Variants in NUSAP1 observed in about 807,000 individuals in gnomAD.
NUSAP1 encodes nucleolar and spindle associated protein 1, also known as nucleolar and spindle-associated protein 1.
A neutral mutation model predicts 52.8 loss-of-function variants in NUSAP1; 32 were observed. That is an observed-to-expected ratio of 0.61 (90% CI 0.46 to 0.81). The LOEUF (loss-of-function observed/expected upper bound fraction) is 0.81, where lower values mean the gene tolerates loss of function less well. Ranked by LOEUF, NUSAP1 falls within the 40% of genes least tolerant of loss-of-function variation. The pLI is 0.00. For synonymous variants in NUSAP1, 195 were observed against 183.1 expected (o/e 1.06, Z -0.52); for missense variants, 499 against 522.3 (o/e 0.96, Z 0.43).
intron 4 of NUSAP1, among the ~76,000 whole-genome samples, chr15:41,354,867 A>C (rs894800899): frequency 6.6e-6 from 1 of 151,354 alleles, no homozygotes; most frequent in African/African-American, 2.4e-5. Context: ...AAATACAAAA[A>C]AAATTAGCCG....
intron 6 of NUSAP1, among the ~76,000 whole-genome samples, chr15:41,361,164 C>T (rs1053479254): frequency 3.4e-4 from 51 of 151,786 alleles, no homozygotes; most frequent in Admixed American, 4.6e-4. Context: ...GAAGCTGAGG[C>T]AGGCGGATCA....
At position 41,335,191 on chromosome 15, in the gene NUSAP1, A is replaced by G. The variant is rs1315026155; in HGVS notation, c.93+2141A>G. Among the ~76,000 whole-genome samples, 3 of 150,328 alleles carry G rather than the reference A, an allele frequency of 2.0e-5. No homozygotes were observed. The Admixed American group carries it at 2.0e-4, about 10-fold the overall frequency. On this transcript the variant is annotated intron_variant, in intron 1 of 10. Transcript: ENST00000559596. ...CAAGATTTGATTAAAATGAAACACT[A>G]CAATTTAAATAAATTTTACTAGCAT... is the stretch of plus-strand genomic sequence containing the variant.
At chr15:41,344,935 C>CA (rs1354484842) in intron 2 of NUSAP1, among the ~76,000 whole-genome samples, 3 of 151,918 alleles carry the variant, frequency 2.0e-5, no homozygotes, top group Middle Eastern at 3.2e-3. Context: ...AATGAGACTC[C>CA]GTCTCCGAAA....
At chr15:41,350,921 CT>C in intron 3 of NUSAP1, 66 bp from the exon 4 acceptor site, 1 of 1,398,086 alleles carries the variant, frequency 7.2e-7, no homozygotes, top group Non-Finnish European at 9.8e-7. Context: ...CACTTTGGTA[CT>C]TATCTTTGGA....
intron 10 of NUSAP1, among the ~76,000 whole-genome samples, chr15:41,378,616 C>G (rs1220251616): frequency 1.3e-5 from 2 of 151,886 alleles, no homozygotes. Flanking sequence ...ACTAAAAATA[C>G]AAAATTAGCC....
chr15:41,365,637 A>G (rs2049370921), intron 7 of NUSAP1, 48 bp downstream of exon 7: 2 of 1,438,334 alleles, frequency 1.4e-6, no homozygotes, highest in South Asian at 2.8e-5. Flanking sequence ...TTTCACATGG[A>G]CTATATAAAA....
intron 7 of NUSAP1, among the ~76,000 whole-genome samples, chr15:41,369,528 A>T (rs1284266108): frequency 6.6e-6 from 1 of 151,974 alleles, no homozygotes; most frequent in African/African-American, 2.4e-5. Flanking sequence ...TGCACCTGTA[A>T]TCCCAGCTAC....
intron 2 of NUSAP1, among the ~76,000 whole-genome samples, chr15:41,347,605 A>G (rs1202368749): frequency 6.6e-6 from 1 of 151,280 alleles, no homozygotes; most frequent in Non-Finnish European, 1.5e-5. Context: ...CACAAGGTCA[A>G]CAGATCGAGA....
Position 41,380,344 on chromosome 15 carries a change from C to CCTG in NUSAP1, c.*158_*159insCTG. 1 of 522,762 alleles carries CCTG rather than the reference C, an allele frequency of 1.9e-6. No individual in the cohort carries two copies. Among genetic ancestry groups the CCTG allele is most frequent in the East Asian group, 3.2e-5 (1 of 31,288 alleles). 32.4% of individuals were successfully genotyped at this position (522,762 alleles called of 1,614,324 possible). On this transcript the variant is annotated 3_prime_UTR_variant, in exon 11 of 11. Transcript: ENST00000559596. Reference sequence around the variant, plus strand: ...CCATGGGTTCTTCATGTGCTATGATCTCTGAAAAGACGTTATCACCTTAAA... The same window carrying CCTG: ...CCATGGGTTCTTCATGTGCTATGATCCTGTCTGAAAAGACGTTATCACCTTAAA...
At chr15:41,357,027 A>T (rs952137385) in intron 5 of NUSAP1, among the ~76,000 whole-genome samples, 2 of 152,162 alleles carry the variant, frequency 1.3e-5, no homozygotes, top group Non-Finnish European at 2.9e-5. Flanking sequence ...GGCCTGTCTT[A>T]TATCCTTTGA....
chr15:41,360,302 C>A (rs963652949), intron 6 of NUSAP1, among the ~76,000 whole-genome samples: 14 of 144,156 alleles, frequency 9.7e-5, no homozygotes, highest in South Asian at 8.8e-4. Context: ...CCACACCCGG[C>A]TAATTTTTGT....
chr15:41,333,475 C>A (rs1301185661), intron 1 of NUSAP1, among the ~76,000 whole-genome samples: 3 of 151,836 alleles, frequency 2.0e-5, no homozygotes, highest in Non-Finnish European at 2.9e-5. Flanking sequence ...GTAATATTGC[C>A]GATAATCTCT....
intron 7 of NUSAP1, chr15:41,365,828 C>A (rs2049383557): frequency 4.6e-6 from 1 of 216,644 alleles, no homozygotes; most frequent in Non-Finnish European, 9.2e-6. Context: ...TCAAGTGATT[C>A]TTCTGCCTCA....
intron 2 of NUSAP1, among the ~76,000 whole-genome samples, chr15:41,342,685 A>G (rs1351151864): frequency 8.5e-5 from 13 of 152,098 alleles, no homozygotes; most frequent in Admixed American, 8.5e-4. Context: ...TAAAAATACA[A>G]AAATTAGCCA....
intron 4 of NUSAP1, among the ~76,000 whole-genome samples, chr15:41,354,877 G>A (rs1042512549): frequency 4.2e-4 from 63 of 151,494 alleles, no homozygotes; most frequent in Non-Finnish European, 6.9e-4. Context: ...AAAATTAGCC[G>A]GGTGTGGGGG....
chr15:41,364,567 G>A (rs2049311278), intron 6 of NUSAP1, among the ~76,000 whole-genome samples: 3 of 151,890 alleles, frequency 2.0e-5, no homozygotes, highest in Non-Finnish European at 2.9e-5. Context: ...AAGAAAGAAA[G>A]AAAAGATAAT....
intron 6 of NUSAP1, among the ~76,000 whole-genome samples, chr15:41,363,146 A>C (rs1375216524): frequency 6.6e-6 from 1 of 151,758 alleles, no homozygotes; most frequent in Non-Finnish European, 1.5e-5. Context: ...AATTAGCCAG[A>C]CGTGGTGGCA....
chr15:41,363,179 C>G (rs1387856750), intron 6 of NUSAP1, among the ~76,000 whole-genome samples: 11 of 151,088 alleles, frequency 7.3e-5, no homozygotes, highest in Non-Finnish European at 1.3e-4. Context: ...CCCAGCTGCT[C>G]TGGGTGCTGA....
chr15:41,358,327 C>G, intron 6 of NUSAP1, 69 bp downstream of exon 6: 2 of 727,522 alleles, frequency 2.7e-6, no homozygotes, highest in Non-Finnish European at 4.7e-6. Flanking sequence ...CTATATAACA[C>G]CGTGGTTACA....
Sources: gnomAD v4.1 joint callset for allele counts (sites outside exome capture counted in the v4.1 genomes callset) on GRCh38, gnomAD v4.1.1 for gene constraint, MANE v1.5 for transcripts, NCBI Gene and HGNC (gene_info 2026-07-23, HGNC 2026-07-21) for gene names.